The following ASTN2 variants were observed in gnomAD, a reference collection of about 807,000 sequenced individuals.
ASTN2 encodes the protein astrotactin-2.
A neutral mutation model predicts 139.8 loss-of-function variants in ASTN2; 54 were observed. The observed-to-expected ratio is 0.39, with a 90% CI of 0.31 to 0.48. The LOEUF is 0.48. ASTN2 is among the 20% of genes least tolerant of loss of function. The pLI is 0.95. For missense variants in ASTN2, 1,565 were observed against 1,725.1 expected, an observed-to-expected ratio of 0.91 and a Z score of 1.64; for synonymous variants, 756 against 719.5, an observed-to-expected ratio of 1.05 and a Z score of -0.81.
intron 3 of ASTN2, among the ~76,000 whole-genome samples, chr9:117,165,772 C>G (rs1830657232): frequency 1.3e-5 from 2 of 152,038 alleles, no homozygotes; most frequent in Admixed American, 1.3e-4. Flanking sequence ...TTCTTAAACT[C>G]TACTGTCCAT....
At chr9:116,588,654 A>ATAT (rs146543115) in intron 19 of ASTN2, among the ~76,000 whole-genome samples, 98,475 of 151,768 alleles carry the variant, frequency 0.65, 32,035 homozygotes, top group South Asian at 0.73. Flanking sequence ...TAGCTTTAGA[A>ATAT]TATTATGCTG....
At chr9:116,760,083 A>G (rs554832414) in intron 13 of ASTN2, among the ~76,000 whole-genome samples, 5 of 152,318 alleles carry the variant, frequency 3.3e-5, no homozygotes, top group Admixed American at 2.0e-4. Context: ...GCTTACCAAA[A>G]AAATAAGATA....
intron 2 of ASTN2, among the ~76,000 whole-genome samples, chr9:117,246,166 C>A (rs1255048471): frequency 6.6e-6 from 1 of 152,110 alleles, no homozygotes; most frequent in African/African-American, 2.4e-5. Context: ...CCTTGCAAAC[C>A]TCTAAATTGA....
At chr9:116,846,358 T>C (rs1832431163) in intron 11 of ASTN2, among the ~76,000 whole-genome samples, 1 of 152,176 alleles carries the variant, frequency 6.6e-6, no homozygotes, top group African/African-American at 2.4e-5. Context: ...GCATATCTTA[T>C]CACAATTAAA....
chr9:116,567,258 G>A (rs539226268), intron 19 of ASTN2, among the ~76,000 whole-genome samples: 1 of 152,304 alleles, frequency 6.6e-6, no homozygotes, highest in Admixed American at 6.5e-5. Flanking sequence ...ACGTGGACTT[G>A]GGAAGATATG....
At chr9:116,718,084 G>T (rs1458140843) in intron 16 of ASTN2, among the ~76,000 whole-genome samples, 1 of 152,240 alleles carries the variant, frequency 6.6e-6, no homozygotes, top group Admixed American at 6.5e-5. Flanking sequence ...AACAGGTTAT[G>T]TGTAGCAAAG....
chr9:116,447,080 C>G (rs1195636445), intron 20 of ASTN2, among the ~76,000 whole-genome samples: 1 of 152,134 alleles, frequency 6.6e-6, no homozygotes, highest in Non-Finnish European at 1.5e-5. Flanking sequence ...CTCTGCTTCA[C>G]AGCAGAGGCA....
chr9:116,656,289 G>A (rs1466111353), intron 16 of ASTN2, among the ~76,000 whole-genome samples: 4 of 152,120 alleles, frequency 2.6e-5, no homozygotes, highest in Non-Finnish European at 4.4e-5. Flanking sequence ...TTACAAGGAC[G>A]ATAACTAATA....
chr9:116,992,893 A>G (rs1036215720), intron 7 of ASTN2, among the ~76,000 whole-genome samples: 9 of 152,158 alleles, frequency 5.9e-5, no homozygotes, highest in East Asian at 1.9e-4. Context: ...ATGAAATGCA[A>G]TATCTGGATT....
chr9:116,817,339 T>C (rs1831360229), intron 12 of ASTN2, among the ~76,000 whole-genome samples: 1 of 151,914 alleles, frequency 6.6e-6, no homozygotes, highest in South Asian at 2.1e-4. Flanking sequence ...AATTATCTTG[T>C]TCCAAGGTAA....
Position 116,945,229 on chromosome 9 carries a change from G to C in ASTN2, c.1889+29979C>G, listed in dbSNP as rs1000683048. Among the ~76,000 whole-genome samples the C allele has an allele frequency of 2.6e-5, 4 of 152,282 alleles. No homozygotes were observed. In the East Asian group the frequency reaches 7.7e-4, roughly 29 times the overall value. ...CTCCTGTCCCACTGGCCAGGACTGA[G>C]GATCACGTATCAACTCTCACAAATC... On this transcript the variant is annotated intron_variant, in intron 10 of 22. Transcript: ENST00000313400.
At chr9:117,072,363 G>A (rs1828158783) in intron 5 of ASTN2, among the ~76,000 whole-genome samples, 1 of 152,182 alleles carries the variant, frequency 6.6e-6, no homozygotes, top group East Asian at 1.9e-4. Flanking sequence ...GTAATGCTGA[G>A]AGTATGAAAA....
intron 5 of ASTN2, among the ~76,000 whole-genome samples, chr9:117,043,743 AC>A (rs1838647260): frequency 6.6e-6 from 1 of 152,088 alleles, no homozygotes; most frequent in African/African-American, 2.4e-5. Context: ...CCCCGTCTCT[AC>A]TAAAAATACA....
At chr9:116,872,028 G>C (rs1210392070) in intron 10 of ASTN2, among the ~76,000 whole-genome samples, 1 of 151,918 alleles carries the variant, frequency 6.6e-6, no homozygotes, top group African/African-American at 2.4e-5. Flanking sequence ...GCAGTGGCGC[G>C]ATCTTGGCTC....
intron 13 of ASTN2, among the ~76,000 whole-genome samples, chr9:116,800,770 A>T (rs1830825075): frequency 6.6e-6 from 1 of 152,208 alleles, no homozygotes; most frequent in South Asian, 2.1e-4. Flanking sequence ...TGAGCCAGTT[A>T]TATTATTTCC....
intron 12 of ASTN2, among the ~76,000 whole-genome samples, chr9:116,813,166 T>C (rs1011507083): frequency 6.6e-6 from 1 of 152,162 alleles, no homozygotes; most frequent in Non-Finnish European, 1.5e-5. Context: ...TATTTATACA[T>C]GTGCCAAAAT....
In ASTN2 at chr9:116,718,975, C is replaced by CATATATAT. The variant is rs145923400; in HGVS notation, c.2806+6788_2806+6795dup. On this transcript the variant is annotated intron_variant, in intron 16 of 22. Transcript: ENST00000313400. ...TTACATATCTATACCTGTATCTGTACATATATATATATATATCTGCCTATA... is the reference window on the plus strand; with the variant it reads ...TTACATATCTATACCTGTATCTGTACATATATATATATATATATATATATCTGCCTATA... Among the ~76,000 whole-genome samples, 363 of 116,566 alleles carry CATATATAT rather than the reference C, an allele frequency of 3.1e-3. 10 individuals carry two copies. The East Asian group carries it at 0.043, about 14-fold the overall frequency. 76.5% of individuals were successfully genotyped at this position (116,566 alleles called of 152,430 possible).
intron 3 of ASTN2, among the ~76,000 whole-genome samples, chr9:117,160,652 C>T (rs1227682149): frequency 3.3e-5 from 5 of 151,906 alleles, no homozygotes; most frequent in African/African-American, 1.2e-4. Context: ...CTTTCTATTT[C>T]ATTAACTTTT....
At chr9:117,036,338 G>A (rs1186237609) in intron 6 of ASTN2, among the ~76,000 whole-genome samples, 1 of 152,124 alleles carries the variant, frequency 6.6e-6, no homozygotes, top group African/African-American at 2.4e-5. Flanking sequence ...GCATCTCCAG[G>A]ATGTGTATAC....
Sources: gnomAD v4.1 joint callset for allele counts (sites outside exome capture counted in the v4.1 genomes callset) on GRCh38, gnomAD v4.1.1 for gene constraint, MANE v1.5 for transcripts, NCBI Gene and HGNC (gene_info 2026-07-23, HGNC 2026-07-21) for gene names.